Variants in ATP6V1H observed in about 807,000 individuals in gnomAD.
ATP6V1H encodes the protein V-type proton ATPase subunit H.
ATP6V1H carries 39 observed loss-of-function variants against 71.7 expected under a neutral mutation model. The observed-to-expected ratio is 0.54, with a 90% confidence interval of 0.42 to 0.71. The LOEUF is 0.71. Ranked by LOEUF, ATP6V1H falls within the 30% of genes least tolerant of loss-of-function variation. The pLI is 0.00. For missense variants in ATP6V1H, 509 were observed against 594.9 expected, an observed-to-expected ratio of 0.86 and a Z score of 1.50; for synonymous variants, 192 against 199.3, an observed-to-expected ratio of 0.96 and a Z score of 0.31.
At position 53,814,766 on chromosome 8, in the gene ATP6V1H, C is replaced by A; in HGVS notation, c.421G>T (p.Ala141Ser). The stretch of plus-strand genomic sequence containing the variant: ...GCTAACTTGGCAATAATTCTTGCTG[C>A]CTGAAAACAAATAAGAGATACATTT... ...NRQDPFTVHMAARIIAKLAAW... is the reference protein window; with the variant it reads ...NRQDPFTVHMSARIIAKLAAW... The change falls in exon 6 of 14, where the codon GCA becomes TCA. Residue 141 changes from alanine (A) to serine (S), a missense_variant and splice_region_variant. By Grantham distance (99) the Ala-to-Ser change is moderately conservative. This residue lies in a region of ATP6V1H where 297 missense variants were observed against 303.3 expected (regional missense o/e 0.98). Coordinates refer to ENST00000359530, the MANE Select transcript of ATP6V1H (RefSeq NM_015941.4). 6.2e-7 allele frequency: 1 copy of A among 1,602,130 alleles called. No homozygotes were observed. The highest frequency in any genetic ancestry group is 8.5e-7 in the Non-Finnish European group (1 of 1,170,684).
chr8:53,743,340 T>C (rs1349771039), intron 13 of ATP6V1H, among the ~76,000 whole-genome samples: 4 of 152,242 alleles, frequency 2.6e-5, no homozygotes, highest in African/African-American at 9.6e-5. Flanking sequence ...TAGTTACTTC[T>C]GGAGTCGTTT....
rs776539019 is a variant in ATP6V1H, at chr8:53,743,568, G to A, written c.1391+9C>T. 15 of 1,607,770 alleles carry A rather than the reference G, an allele frequency of 9.3e-6. No individual in the cohort carries two copies. Among genetic ancestry groups the A allele is most frequent in the African/African-American group, 4.0e-5 (3 of 74,802 alleles). On this transcript the variant is annotated intron_variant, in intron 13 of 13. Coordinates refer to ENST00000359530, the MANE Select transcript of ATP6V1H (RefSeq NM_015941.4). ...AATGTACAAGTGTGAGCAAAAAGCCGTGGCATACCAGTTGTGCACCATGAG... is the reference window on the plus strand; with the variant it reads ...AATGTACAAGTGTGAGCAAAAAGCCATGGCATACCAGTTGTGCACCATGAG...
At chr8:53,740,868 C>T (rs952380536) in intron 13 of ATP6V1H, among the ~76,000 whole-genome samples, 3 of 152,182 alleles carry the variant, frequency 2.0e-5, no homozygotes, top group African/African-American at 4.8e-5. Flanking sequence ...GAGCAACTTT[C>T]ATTCTCTGGC....
chr8:53,803,728 A>G (rs1563474128), intron 7 of ATP6V1H, among the ~76,000 whole-genome samples: 1 of 152,242 alleles, frequency 6.6e-6, no homozygotes, highest in Non-Finnish European at 1.5e-5. Context: ...AATTAAAGAC[A>G]GATAAATAGT....
At chr8:53,832,028 G>A (rs1035488240) in intron 3 of ATP6V1H, 7 of 151,772 alleles carry the variant, frequency 4.6e-5, no homozygotes, top group African/African-American at 1.7e-4. Flanking sequence ...TCCATTAAAT[G>A]GAAAATTACA....
rs79698012 is a variant in ATP6V1H at position 53,746,688 on chromosome 8, A to G, written c.1278-2998T>C. Among the ~76,000 whole-genome samples, 126 of 152,368 alleles carry G rather than the reference A, an allele frequency of 8.3e-4. 1 individual carries two copies. In the East Asian group the frequency reaches 0.022, roughly 26 times the overall value. ...TGAAACTCACAGTGCTATTGAAATAAACAGACATTTCTCATCTTCTCAAGA... is the reference window on the plus strand; with the variant it reads ...TGAAACTCACAGTGCTATTGAAATAGACAGACATTTCTCATCTTCTCAAGA... On this transcript the variant is annotated intron_variant, in intron 12 of 13. Coordinates refer to ENST00000359530, the MANE Select transcript of ATP6V1H (RefSeq NM_015941.4).
At chr8:53,732,610 A>C (rs1807061667) in intron 13 of ATP6V1H, among the ~76,000 whole-genome samples, 1 of 152,012 alleles carries the variant, frequency 6.6e-6, no homozygotes, top group African/African-American at 2.4e-5. Flanking sequence ...AGTTAAACAT[A>C]ATATAGACAA....
At chr8:53,725,574 A>C (rs1199611625) in intron 13 of ATP6V1H, among the ~76,000 whole-genome samples, 3 of 148,458 alleles carry the variant, frequency 2.0e-5, no homozygotes, top group African/African-American at 2.5e-5. Flanking sequence ...TAATTCCCTT[A>C]CACAAAGATG....
chr8:53,750,736 A>G (rs1395762528), intron 12 of ATP6V1H, among the ~76,000 whole-genome samples: 2 of 152,216 alleles, frequency 1.3e-5, no homozygotes, highest in African/African-American at 4.8e-5. Flanking sequence ...GAAACTTGTA[A>G]AAACAAAAAA....
intron 7 of ATP6V1H, among the ~76,000 whole-genome samples, chr8:53,809,747 A>G (rs1810211355): frequency 6.6e-6 from 1 of 152,224 alleles, no homozygotes; most frequent in Non-Finnish European, 1.5e-5. Flanking sequence ...ATAATTTTTC[A>G]AACTGGTAGA....
chr8:53,744,380 G>C (rs906896920), intron 12 of ATP6V1H, among the ~76,000 whole-genome samples: 3 of 151,924 alleles, frequency 2.0e-5, no homozygotes, highest in Non-Finnish European at 4.4e-5. Flanking sequence ...AGTAAAAATG[G>C]CTATTTCTTC....
At chr8:53,761,516 A>G (rs1469443276) in intron 11 of ATP6V1H, among the ~76,000 whole-genome samples, 1 of 152,202 alleles carries the variant, frequency 6.6e-6, no homozygotes, top group Non-Finnish European at 1.5e-5. Context: ...AAAGATATGC[A>G]TAATGCTTTT....
chr8:53,774,172 G>A (rs1030957889), intron 9 of ATP6V1H, among the ~76,000 whole-genome samples: 2 of 152,196 alleles, frequency 1.3e-5, no homozygotes, highest in African/African-American at 4.8e-5. Context: ...GACACAAGAT[G>A]TCCAGTGAAC....
At position 53,807,441 on chromosome 8, in the gene ATP6V1H, G is replaced by GA. The variant is rs879540074; in HGVS notation, c.579+3722dup. Among the ~76,000 whole-genome samples the GA allele has an allele frequency of 1.3e-3, 180 of 140,948 alleles. 1 individual carries two copies. The highest frequency in any genetic ancestry group is 2.8e-3 in the Admixed American group (39 of 14,084). The allele number at this position is 140,948 out of a possible 152,430, so 92.5% of individuals were successfully genotyped here. ...ATGGCGAAACCCCCATCTCTACTTA[G>GA]AAAAAAAAAAAACTAAGTCCTTTTT... On this transcript the variant is annotated intron_variant, in intron 7 of 13. Transcript: ENST00000359530.
At chr8:53,761,273 C>T (rs1443593121) in intron 11 of ATP6V1H, among the ~76,000 whole-genome samples, 2 of 151,224 alleles carry the variant, frequency 1.3e-5, no homozygotes, top group Non-Finnish European at 2.9e-5. Context: ...GGAGGTGGAG[C>T]TTGCAGTGAG....
At chr8:53,719,962 G>A (rs1806559960) in intron 13 of ATP6V1H, among the ~76,000 whole-genome samples, 1 of 152,040 alleles carries the variant, frequency 6.6e-6, no homozygotes, top group Admixed American at 6.5e-5. Context: ...ACTACTGTCA[G>A]GCAAAAGCAA....
chr8:53,715,730 T>C lies in ATP6V1H; in HGVS notation c.*234A>G, dbSNP rs575573281. ...TCCAGAGAACAATAAATACAGAAAT[T>C]GCAAGCAGTATATGTAACAGTAATA... On this transcript the variant is annotated 3_prime_UTR_variant, in exon 14 of 14. Coordinates refer to ENST00000359530, the MANE Select transcript of ATP6V1H (RefSeq NM_015941.4). 1 of 381,362 alleles carries C rather than the reference T, an allele frequency of 2.6e-6. No individual in the cohort carries two copies. Among genetic ancestry groups the C allele is most frequent in the African/African-American group, 2.1e-5 (1 of 48,414 alleles). The allele number at this position is 381,362 out of a possible 1,614,324, so 23.6% of individuals were successfully genotyped here.
In ATP6V1H at chr8:53,841,660, C is replaced by A; in HGVS notation, c.31G>T (p.Asp11Tyr). The A allele has an allele frequency of 6.2e-7, 1 of 1,614,024 alleles. No homozygotes were observed. Among genetic ancestry groups the A allele is most frequent in the Non-Finnish European group, 8.5e-7 (1 of 1,179,914 alleles). Residue 11 changes from aspartate (D) to tyrosine (Y), a missense_variant, in exon 2 of 14, where the codon GAT becomes TAT. This residue lies in a region of ATP6V1H where 297 missense variants were observed against 303.3 expected (regional missense o/e 0.98). Coordinates refer to ENST00000359530, the MANE Select transcript of ATP6V1H (RefSeq NM_015941.4). MTKMDIRGAV[D>Y]AAVPTNIIAA... is the part of the protein sequence containing the mutation. ...ATAATATTGGTGGGGACAGCAGCAT[C>A]CACAGCACCTCGGATATCCATTTTG...
At chr8:53,749,311 A>C (rs182985262) in intron 12 of ATP6V1H, among the ~76,000 whole-genome samples, 2 of 152,374 alleles carry the variant, frequency 1.3e-5, no homozygotes, top group Admixed American at 1.3e-4. Context: ...ACCCTGCCTG[A>C]TAATTCTCCA....
Sources: allele counts gnomAD v4.1 joint callset (sites outside exome capture counted in the v4.1 genomes callset), GRCh38; gene constraint gnomAD v4.1.1; regional missense constraint gnomAD v4.1.1; transcripts MANE v1.5; gene names NCBI Gene and HGNC (gene_info 2026-07-23, HGNC 2026-07-21).